The following ARPP21 variants were observed in gnomAD, a reference collection of about 807,000 sequenced individuals.
ARPP21 encodes cAMP-regulated phosphoprotein 21.
ARPP21 carries 69 observed loss-of-function variants against 113.2 expected under a neutral mutation model. That is an observed-to-expected ratio of 0.61 (90% CI 0.50 to 0.74). ARPP21 has a LOEUF of 0.74. ARPP21 is among the 30% of genes least tolerant of loss of function. The pLI, the probability that ARPP21 is intolerant of heterozygous loss-of-function variation, is 0.00. For missense variants in ARPP21, 1,070 were observed against 1,037.4 expected, an observed-to-expected ratio of 1.03 and a Z score of -0.43; for synonymous variants, 368 against 375.5, an observed-to-expected ratio of 0.98 and a Z score of 0.23.
In ARPP21 at chr3:35,639,609, C is replaced by T. The variant is rs749485123; in HGVS notation, c.-1002C>T. 4.6e-5 allele frequency: 7 copies of T among 152,938 alleles called. No homozygotes were observed. Among genetic ancestry groups the T allele is most frequent in the East Asian group, 3.9e-4 (2 of 5,166 alleles). The allele number at this position is 152,938 out of a possible 1,614,324, so 9.5% of individuals were successfully genotyped here. The stretch of plus-strand genomic sequence containing the variant: ...GCTAGGGGTGGGACTGGCAGAGCTA[C>T]GGACAGGTGGGAGCAGTCAGACAGC... On this transcript the variant is annotated 5_prime_UTR_variant, in exon 1 of 21. It adds an upstream start codon to the 5' untranslated region. Coordinates refer to ENST00000684406, the MANE Select transcript of ARPP21 (RefSeq NM_001385562.1). The surrounding 1 kb of genome is among the most constrained non-coding windows in gnomAD (Gnocchi z 5.0).
chr3:35,745,637 G>A (rs1316187456), intron 19 of ARPP21, among the ~76,000 whole-genome samples: 2 of 152,148 alleles, frequency 1.3e-5, no homozygotes. Context: ...TGATAACTGG[G>A]CAACAGAATT....
intron 19 of ARPP21, among the ~76,000 whole-genome samples, chr3:35,753,041 A>AGTGTGTGTGTGTGTGT (rs3086930): frequency 9.0e-5 from 13 of 144,068 alleles, no homozygotes; most frequent in Admixed American, 2.8e-4. Context: ...TATGGCAGGA[A>AGTGTGTGTGTGTGTGT]GTGTGTGTGT....
At chr3:35,756,841 C>A (rs1447759937) in intron 19 of ARPP21, among the ~76,000 whole-genome samples, 1 of 152,126 alleles carries the variant, frequency 6.6e-6, no homozygotes, top group Non-Finnish European at 1.5e-5. Context: ...GCACACCTTG[C>A]AGAATGCAGG....
At chr3:35,732,915 T>A (rs2094089064) in intron 15 of ARPP21, among the ~76,000 whole-genome samples, 1 of 152,214 alleles carries the variant, frequency 6.6e-6, no homozygotes, top group African/African-American at 2.4e-5. Context: ...AATTTTGTGT[T>A]CTGTCTATAA....
chr3:35,791,137 G>C (rs771379077), intron 19 of ARPP21, among the ~76,000 whole-genome samples: 2 of 152,148 alleles, frequency 1.3e-5, no homozygotes, highest in African/African-American at 2.4e-5. Context: ...TCCAAGGATA[G>C]TTAAGTATTT....
At chr3:35,788,667 A>G (rs1391981712) in intron 19 of ARPP21, among the ~76,000 whole-genome samples, 2 of 152,314 alleles carry the variant, frequency 1.3e-5, no homozygotes, top group East Asian at 1.9e-4. Context: ...GTAACAAACT[A>G]CTCAAATAAG....
At chr3:35,717,449 T>C (rs1689109640) in intron 13 of ARPP21, 92 bp downstream of exon 13, 3 of 810,480 alleles carry the variant, frequency 3.7e-6, no homozygotes, top group Admixed American at 4.0e-5. Context: ...AAAATATATC[T>C]GTTCATTTAA....
At chr3:35,677,971 T>A (rs2077939390) in intron 1 of ARPP21, among the ~76,000 whole-genome samples, 1 of 151,978 alleles carries the variant, frequency 6.6e-6, no homozygotes, top group Non-Finnish European at 1.5e-5. Context: ...CTCTTTTATC[T>A]TGGTAGATGA....
intron 1 of ARPP21, among the ~76,000 whole-genome samples, chr3:35,667,556 C>T (rs553923294): frequency 8.5e-5 from 13 of 152,108 alleles, no homozygotes; most frequent in African/African-American, 2.9e-4. Flanking sequence ...CTCAAAGAAG[C>T]AGTAATCTTT....
At chr3:35,723,713 AAG>A (rs1227370808) in intron 14 of ARPP21, among the ~76,000 whole-genome samples, 2 of 152,238 alleles carry the variant, frequency 1.3e-5, no homozygotes, top group Non-Finnish European at 2.9e-5. Context: ...TTCCAAAGCA[AAG>A]CTCTTTGGAA....
chr3:35,663,099 G>A (rs1250466069), intron 1 of ARPP21, among the ~76,000 whole-genome samples: 1 of 152,020 alleles, frequency 6.6e-6, no homozygotes, highest in Non-Finnish European at 1.5e-5. Flanking sequence ...TGTATTGTAT[G>A]CATGTTGTAG....
intron 19 of ARPP21, among the ~76,000 whole-genome samples, chr3:35,779,015 G>T (rs1266394870): frequency 1.3e-5 from 2 of 152,132 alleles, no homozygotes; most frequent in Admixed American, 1.3e-4. Flanking sequence ...TGATAGAAAT[G>T]AGCTGATAGT....
At chr3:35,690,661 CAA>C (rs1375174449) in intron 8 of ARPP21, among the ~76,000 whole-genome samples, 3 of 151,496 alleles carry the variant, frequency 2.0e-5, no homozygotes, top group Non-Finnish European at 3.0e-5. Flanking sequence ...AACTATGAAA[CAA>C]AGATGTTTAT....
intron 1 of ARPP21, among the ~76,000 whole-genome samples, chr3:35,667,865 GA>G (rs2074875023): frequency 1.5e-5 from 2 of 129,560 alleles, no homozygotes; most frequent in Middle Eastern, 3.8e-3. Flanking sequence ...AGAAGAAGAA[GA>G]AGAAGAAGAA....
At chr3:35,690,038 G>A (rs750483890) in intron 7 of ARPP21, 43 bp from the exon 8 acceptor site, 12 of 828,338 alleles carry the variant, frequency 1.4e-5, no homozygotes, top group Non-Finnish European at 2.6e-5. Flanking sequence ...TTTTGGAAGT[G>A]GAACATACAT....
At chr3:35,792,082 TG>T in intron 19 of ARPP21, 1 of 225,074 alleles carries the variant, frequency 4.4e-6, no homozygotes, top group Admixed American at 5.5e-5. Flanking sequence ...AGTAGTCAAT[TG>T]GTATCAATAG....
At chr3:35,747,974 A>AGG in intron 19 of ARPP21, among the ~76,000 whole-genome samples, 1 of 148,944 alleles carries the variant, frequency 6.7e-6, no homozygotes, top group Non-Finnish European at 1.5e-5. Context: ...AGAGAGAGAG[A>AGG]GAGGGAGGGA....
rs914179733 is a variant in ARPP21, at chr3:35,684,558, G to A, written c.261+743G>A. On this transcript the variant is annotated intron_variant, in intron 5 of 20. Transcript: ENST00000684406. ...TTTTATAAAAAATGGTCTTGCTGCT[G>A]AAATTGTACTTATTTTATCAGAGGC... The A allele has an allele frequency of 6.1e-6, 6 of 985,402 alleles. No individual in the cohort carries two copies. In the African/African-American group the frequency reaches 8.7e-5, roughly 14 times the overall value. The allele number at this position is 985,402 out of a possible 1,614,324, so 61.0% of individuals were successfully genotyped here.
intron 19 of ARPP21, among the ~76,000 whole-genome samples, chr3:35,761,656 A>G (rs1364500306): frequency 1.3e-5 from 2 of 151,860 alleles, no homozygotes; most frequent in Non-Finnish European, 1.5e-5. Context: ...ATTAAGCTCC[A>G]GTGAGATTCT....
Sources: gnomAD v4.1 joint callset for allele counts (sites outside exome capture counted in the v4.1 genomes callset) on GRCh38, gnomAD v4.1.1 for gene constraint, Gnocchi (gnomAD v3.1) non-coding constraint, MANE v1.5 for transcripts, NCBI Gene and HGNC (gene_info 2026-07-23, HGNC 2026-07-21) for gene names.